Variants in PERP observed in about 807,000 individuals in gnomAD.
PERP encodes p53 apoptosis effector related to PMP22, also known as p53 apoptosis effector related to PMP-22.
Under a neutral mutation model 20.3 loss-of-function variants are expected in PERP, and 11 were observed. That is an observed-to-expected ratio of 0.54 (90% CI 0.34 to 0.90). The LOEUF (loss-of-function observed/expected upper bound fraction) is 0.90. PERP is among the 40% of genes least tolerant of loss of function. PERP has a pLI of 0.02. For missense variants in PERP, 224 were observed against 249.4 expected (o/e 0.90, Z 0.69); for synonymous variants, 101 against 102.0 (o/e 0.99, Z 0.06).
rs901814387 is a variant in PERP at position 138,089,729 on chromosome 6, G to A, written c.*2313C>T. 1 of 152,142 alleles carries A rather than the reference G, an allele frequency of 6.6e-6. No homozygotes were observed. Among genetic ancestry groups the A allele is most frequent in the African/African-American group, 2.4e-5 (1 of 41,440 alleles). 9.4% of individuals were successfully genotyped at this position (152,142 alleles called of 1,614,324 possible). A position where few individuals can be genotyped will look rare whatever the true frequency, so the allele number is the denominator to read the frequency against. On this transcript the variant is annotated 3_prime_UTR_variant, in exon 3 of 3. Coordinates refer to ENST00000421351, the MANE Select transcript of PERP (RefSeq NM_022121.5). ...GTCTTGGTGAATCTGGATCAACAAG[G>A]AATGGCAGATCTCTATACTAGAACA...
intron 1 of PERP, among the ~76,000 whole-genome samples, chr6:138,101,197 C>T (rs777331423): frequency 4.5e-4 from 69 of 152,096 alleles, no homozygotes; most frequent in Non-Finnish European, 2.5e-4. Context: ...GGTGAAATCC[C>T]CATCTCTACT....
In PERP at chr6:138,090,448, G is replaced by T. The variant is rs1371589036; in HGVS notation, c.*1594C>A. ...AAGGGGACCCCAGCACAAGGAGGAGGCTTCAGCTACACTGCACACATGTCC... is the reference window on the plus strand; with the variant it reads ...AAGGGGACCCCAGCACAAGGAGGAGTCTTCAGCTACACTGCACACATGTCC... On this transcript the variant is annotated 3_prime_UTR_variant, in exon 3 of 3. Transcript: ENST00000421351. 4 of 152,196 alleles carry T rather than the reference G, an allele frequency of 2.6e-5. No homozygotes were observed. Among genetic ancestry groups the T allele is most frequent in the African/African-American group, 4.8e-5 (2 of 41,436 alleles). The allele number at this position is 152,196 out of a possible 1,614,324, so 9.4% of individuals were successfully genotyped here. A position where few individuals can be genotyped will look rare whatever the true frequency, so the allele number is the denominator to read the frequency against.
At chr6:138,092,415 G>A in intron 2 of PERP, 147 bp from the exon 3 acceptor site, 1 of 727,280 alleles carries the variant, frequency 1.4e-6, no homozygotes, top group Non-Finnish European at 2.2e-6. Context: ...ATCTGGTTAG[G>A]CAGAGGCCAA....
At chr6:138,094,109 G>A (rs2473098) in intron 2 of PERP, among the ~76,000 whole-genome samples, 31,303 of 151,946 alleles carry the variant, frequency 0.21, 3,448 homozygotes, top group African/African-American at 0.23. Flanking sequence ...AGTTTTACTA[G>A]GATATTTTTT....
At chr6:138,096,319 G>A in intron 2 of PERP, 35 bp downstream of exon 2, 1 of 1,610,844 alleles carries the variant, frequency 6.2e-7, no homozygotes, top group Non-Finnish European at 8.5e-7. Flanking sequence ...GCCCACTGAA[G>A]GCATAAATGA....
intron 2 of PERP, among the ~76,000 whole-genome samples, chr6:138,092,601 G>C (rs1775607400): frequency 6.6e-6 from 1 of 152,104 alleles, no homozygotes; most frequent in Non-Finnish European, 1.5e-5. Context: ...TAGAAAGCAG[G>C]ACAGTAAAGA....
intron 1 of PERP, among the ~76,000 whole-genome samples, chr6:138,096,875 T>C (rs749495148): frequency 2.6e-5 from 4 of 152,346 alleles, no homozygotes; most frequent in Non-Finnish European, 5.9e-5. Context: ...TTTTTGGTAC[T>C]GAGCAATCCA....
chr6:138,096,261 G>GT, intron 2 of PERP, 93 bp downstream of exon 2: 12 of 1,450,424 alleles, frequency 8.3e-6, no homozygotes, highest in Non-Finnish European at 1.1e-5. Context: ...ATTAGAAACT[G>GT]TAACAGTCAC....
chr6:138,094,338 G>A (rs1026087950), intron 2 of PERP, among the ~76,000 whole-genome samples: 3 of 150,260 alleles, frequency 2.0e-5, no homozygotes, highest in African/African-American at 7.4e-5. Context: ...TCTACTCCCT[G>A]TCTCTGTAAA....
At position 138,107,097 on chromosome 6, in the gene PERP, G is replaced by T; in HGVS notation, c.214+30C>A. On this transcript the variant is annotated intron_variant, in intron 1 of 2. Transcript: ENST00000421351. This position sits in a 1 kb window ranked among gnomAD's most constrained non-coding sequence, Gnocchi z 4.8. ...CCGCGGCCCCGAGGGCTTCCTGGAGGCGGCGACGGCGGCGGCGGCGGGCAC... is the reference window on the plus strand; with the variant it reads ...CCGCGGCCCCGAGGGCTTCCTGGAGTCGGCGACGGCGGCGGCGGCGGGCAC... 1 of 1,573,160 alleles carries T rather than the reference G, an allele frequency of 6.4e-7. No homozygotes were observed. Among genetic ancestry groups the T allele is most frequent in the Non-Finnish European group, 8.6e-7 (1 of 1,160,948 alleles).
In PERP at chr6:138,092,049, G is replaced by A. The variant is rs138693293; in HGVS notation, c.575C>T (p.Ser192Phe). ...CCCACATTCATTCCCAAGTTAGGCA[G>A]ATGTGTAGAAGTACCTGGGCTTGGC... is the stretch of plus-strand genomic sequence containing the variant. ...GNAKPRYFYT[S>F]A The change falls in exon 3 of 3, where the codon TCT becomes TTT. Residue 192 changes from serine (S) to phenylalanine (F), a missense_variant. Transcript: ENST00000421351. 1.8e-4 allele frequency: 290 copies of A among 1,613,258 alleles called. No homozygotes were observed. Among genetic ancestry groups the A allele is most frequent in the Admixed American group, 2.8e-4 (17 of 59,964 alleles).
chr6:138,102,369 T>C (rs1185000817), intron 1 of PERP, among the ~76,000 whole-genome samples: 1 of 152,172 alleles, frequency 6.6e-6, no homozygotes, highest in Non-Finnish European at 1.5e-5. Flanking sequence ...GAAAGAAAGC[T>C]GGAAAGTAGG....
chr6:138,102,376 T>C (rs192870193), intron 1 of PERP, among the ~76,000 whole-genome samples: 1 of 152,274 alleles, frequency 6.6e-6, no homozygotes, highest in Admixed American at 6.5e-5. Context: ...AGCTGGAAAG[T>C]AGGAATTACA....
At chr6:138,099,873 C>T (rs189852005) in intron 1 of PERP, among the ~76,000 whole-genome samples, 190 of 152,284 alleles carry the variant, frequency 1.2e-3, no homozygotes, top group African/African-American at 4.1e-3. Context: ...TATCTTAACA[C>T]GACTCAGTTC....
chr6:138,103,843 T>A (rs1775807657), intron 1 of PERP, among the ~76,000 whole-genome samples: 1 of 152,258 alleles, frequency 6.6e-6, no homozygotes, highest in Non-Finnish European at 1.5e-5. Flanking sequence ...GACCTAAAAC[T>A]ATTTCATGTA....
intron 1 of PERP, among the ~76,000 whole-genome samples, chr6:138,104,987 C>T (rs894890023): frequency 6.6e-6 from 1 of 152,118 alleles, no homozygotes; most frequent in South Asian, 2.1e-4. Flanking sequence ...TGCATGCAGG[C>T]GATGAGACAG....
chr6:138,092,068 G>A lies in PERP; in HGVS notation c.556C>T (p.Pro186Ser), dbSNP rs758833981. The change falls in exon 3 of 3, where the codon CCC becomes TCC. Residue 186 changes from proline (P) to serine (S), a missense_variant. Physicochemically the swap from Pro to Ser is moderately conservative, Grantham distance 74. Transcript: ENST00000421351. ...YEDDLLGNAK[P>S]RYFYTSA Reference sequence around the variant, plus strand: ...TAGGCAGATGTGTAGAAGTACCTGGGCTTGGCATTGCCCAGAAGGTCATCT... The same window carrying A: ...TAGGCAGATGTGTAGAAGTACCTGGACTTGGCATTGCCCAGAAGGTCATCT... The A allele has an allele frequency of 6.2e-6, 10 of 1,614,020 alleles. No homozygotes were observed. In the South Asian group the frequency reaches 1.1e-4, roughly 18 times the overall value.
Position 138,092,205 on chromosome 6 carries a change from T to G in PERP, c.419A>C (p.His140Pro). Residue 140 changes from histidine to proline, a missense_variant, in exon 3 of 3, where the codon CAT becomes CCT. By Grantham distance (77) the His-to-Pro change is moderately conservative. Transcript: ENST00000421351. Reference protein sequence around the residue: ...PVKYTQTFTLHANPAVTYIYN... With the variant: ...PVKYTQTFTLPANPAVTYIYN... ...GATGTAAGTGACAGCAGGGTTGGCA[T>G]GAAGGGTGAAGGTCTGGGTGTACTT... 1 of 1,614,074 alleles carries G rather than the reference T, an allele frequency of 6.2e-7. No homozygotes were observed. The highest frequency in any genetic ancestry group is 8.5e-7 in the Non-Finnish European group (1 of 1,179,980).
chr6:138,101,338 C>G (rs1775769709), intron 1 of PERP, among the ~76,000 whole-genome samples: 1 of 152,120 alleles, frequency 6.6e-6, no homozygotes, highest in Admixed American at 6.5e-5. Context: ...CCACTGCACT[C>G]TAGCCTGAGC....
Sources: allele counts gnomAD v4.1 joint callset (sites outside exome capture counted in the v4.1 genomes callset), GRCh38; gene constraint gnomAD v4.1.1; non-coding constraint Gnocchi (gnomAD v3.1); transcripts MANE v1.5; gene names NCBI Gene and HGNC (gene_info 2026-07-23, HGNC 2026-07-21).